The following EGFR variants were observed in gnomAD, a reference collection of about 807,000 sequenced individuals.
EGFR encodes avian erythroblastic leukemia viral (v-erb-b) oncogene homolog.
EGFR carries 58 observed loss-of-function variants against 143.0 expected under a neutral mutation model. That is an observed-to-expected ratio of 0.41 (90% confidence interval 0.33 to 0.50). The LOEUF is 0.50. Among genes scored for constraint, EGFR ranks in the 20% least tolerant of loss-of-function variants. EGFR has a pLI of 0.39. For synonymous variants in EGFR, 613 were observed against 594.4 expected, an observed-to-expected ratio of 1.03 and a Z score of -0.45; for missense variants, 1,307 against 1,579.0, an observed-to-expected ratio of 0.83 and a Z score of 2.92.
intron 1 of EGFR, among the ~76,000 whole-genome samples, chr7:55,108,319 C>T (rs139448004): frequency 6.6e-6 from 1 of 152,334 alleles, no homozygotes; most frequent in East Asian, 1.9e-4. Flanking sequence ...GCACAGGGGC[C>T]GTATCACTCC....
intron 1 of EGFR, among the ~76,000 whole-genome samples, chr7:55,088,129 C>T (rs949805836): frequency 2.6e-5 from 4 of 152,182 alleles, no homozygotes; most frequent in African/African-American, 9.7e-5. Context: ...CCATTTCTCT[C>T]CCACCTGAAT....
chr7:55,089,954 A>C (rs985095552), intron 1 of EGFR, among the ~76,000 whole-genome samples: 1 of 149,992 alleles, frequency 6.7e-6, no homozygotes, highest in African/African-American at 2.4e-5. Flanking sequence ...TTATTTATTT[A>C]TTTATTTATT....
intron 7 of EGFR, 129 bp from the exon 8 acceptor site, chr7:55,155,701 C>T (rs2128937104): frequency 1.3e-6 from 1 of 791,746 alleles, no homozygotes; most frequent in Non-Finnish European, 2.3e-6. Flanking sequence ...ATTCTTTGTC[C>T]TTAAAGTAAA....
At position 55,042,615 on chromosome 7, in the gene EGFR, G is replaced by A. The variant is rs189729694; in HGVS notation, c.88+23250G>A. On this transcript the variant is annotated intron_variant, in intron 1 of 27. Coordinates refer to ENST00000275493, the MANE Select transcript of EGFR (RefSeq NM_005228.5). ...AGGGGGTTAATGCAGGTCACTCTAC[G>A]TATGTGCACGAGGTCGTTATAAAGC... Among the ~76,000 whole-genome samples the A allele has an allele frequency of 4.8e-3, 726 of 152,096 alleles. 2 individuals are homozygous for A. Among genetic ancestry groups the A allele is most frequent in the Non-Finnish European group, 8.5e-3 (578 of 68,010 alleles).
chr7:55,057,775 G>A (rs1432944750), intron 1 of EGFR, among the ~76,000 whole-genome samples: 2 of 152,130 alleles, frequency 1.3e-5, no homozygotes, highest in African/African-American at 2.4e-5. Context: ...TTATCTCTGC[G>A]GTATTGTTCT....
chr7:55,111,875 A>G (rs993848592), intron 1 of EGFR, among the ~76,000 whole-genome samples: 11 of 152,232 alleles, frequency 7.2e-5, no homozygotes, highest in Admixed American at 1.3e-4. Context: ...TTGCTTCTAC[A>G]TCACTGTGTG....
Position 55,147,510 on chromosome 7 carries a change from C to CAAA in EGFR, c.559+783_559+785dup, listed in dbSNP as rs3063067. ...GCCTGTTTGTTTTCTGCCCTCAGAACAAAAAAAAAAAAAAATAGAGCTGAC... is the reference window on the plus strand; with the variant it reads ...GCCTGTTTGTTTTCTGCCCTCAGAACAAAAAAAAAAAAAAAAAATAGAGCTGAC... On this transcript the variant is annotated intron_variant, in intron 4 of 27. Coordinates refer to ENST00000275493, the MANE Select transcript of EGFR (RefSeq NM_005228.5). 8.3e-3 allele frequency among the ~76,000 whole-genome samples: 1,148 copies of CAAA among 137,714 alleles called. 18 individuals are homozygous for CAAA. The highest frequency in any genetic ancestry group is 0.038 in the South Asian group (167 of 4,380). 90.3% of individuals were successfully genotyped at this position (137,714 alleles called of 152,430 possible).
chr7:55,146,711 C>G lies in EGFR; in HGVS notation c.530C>G (p.Ser177Trp), dbSNP rs770290445. 6.2e-7 allele frequency: 1 copy of G among 1,614,106 alleles called. No homozygotes were observed. ...IVSSDFLSNM[S>W]MDFQNHLGSC... ...AGCAGTGACTTTCTCAGCAACATGT[C>G]GATGGACTTCCAGAACCACCTGGGC... is the stretch of plus-strand genomic sequence containing the variant. Residue 177 changes from serine to tryptophan, a missense_variant, in exon 4 of 28, where the codon TCG (serine) becomes TGG (tryptophan). By Grantham distance (177) the Ser-to-Trp change is radical. Around this residue, in one of 7 missense-constraint regions of EGFR, gnomAD observed 311 missense variants for 412.3 expected, o/e 0.75. Transcript: ENST00000275493.
At chr7:55,076,845 G>A (rs1790160251) in intron 1 of EGFR, among the ~76,000 whole-genome samples, 1 of 151,954 alleles carries the variant, frequency 6.6e-6, no homozygotes, top group South Asian at 2.1e-4. Flanking sequence ...CATAATGCCT[G>A]CCACTCCATC....
At chr7:55,197,848 C>T (rs528205655) in intron 22 of EGFR, among the ~76,000 whole-genome samples, 29 of 152,228 alleles carry the variant, frequency 1.9e-4, no homozygotes, top group African/African-American at 4.6e-4. Context: ...GGGATGAAGC[C>T]GACTTGATTG....
At chr7:55,176,076 C>T (rs1390051020) in intron 19 of EGFR, among the ~76,000 whole-genome samples, 4 of 152,140 alleles carry the variant, frequency 2.6e-5, no homozygotes, top group Admixed American at 6.5e-5. Flanking sequence ...TACAGGAAGA[C>T]GGGCAATCTG....
At chr7:55,129,235 T>C (rs1320834198) in intron 1 of EGFR, among the ~76,000 whole-genome samples, 1 of 152,146 alleles carries the variant, frequency 6.6e-6, no homozygotes, top group African/African-American at 2.4e-5. Context: ...GCAGAGGATG[T>C]AGTTGTGTGG....
intron 1 of EGFR, among the ~76,000 whole-genome samples, chr7:55,019,715 G>C (rs1786416196): frequency 6.6e-6 from 1 of 152,282 alleles, no homozygotes; most frequent in Non-Finnish European, 1.5e-5. Context: ...GGCGAAAGCC[G>C]GGTGCTGGTG....
Position 55,152,730 on chromosome 7 carries a change from G to C in EGFR, c.747+66G>C, listed in dbSNP as rs1387763063. 7.4e-6 allele frequency: 10 copies of C among 1,351,482 alleles called. No homozygotes were observed. The East Asian group carries it at 2.3e-4, about 31-fold the overall frequency. The allele number at this position is 1,351,482 out of a possible 1,614,324, so 83.7% of individuals were successfully genotyped here. ...GCTGCACCCGCCCCACCCACACCAG[G>C]ACAGAAGACTTCCTGTGGGGGAGCT... is the stretch of plus-strand genomic sequence containing the variant. On this transcript the variant is annotated intron_variant, in intron 6 of 27. Transcript: ENST00000275493.
chr7:55,154,245 C>T lies in EGFR; in HGVS notation c.889+93C>T, dbSNP rs1311285736. The stretch of plus-strand genomic sequence containing the variant: ...CCTGGAGTATCCCATCTTGGAGAGT[C>T]TTTGGGTGGATGTGTTTGCCTTGCT... On this transcript the variant is annotated intron_variant, in intron 7 of 27. Coordinates refer to ENST00000275493, the MANE Select transcript of EGFR (RefSeq NM_005228.5). 3 of 1,587,270 alleles carry T rather than the reference C, an allele frequency of 1.9e-6. No individual in the cohort carries two copies. The African/African-American group carries it at 4.0e-5, about 21-fold the overall frequency.
At chr7:55,144,669 T>A (rs2128928349) in intron 3 of EGFR, among the ~76,000 whole-genome samples, 1 of 152,258 alleles carries the variant, frequency 6.6e-6, no homozygotes, top group South Asian at 2.1e-4. Flanking sequence ...GCGCACATGC[T>A]TGTGCTGTGC....
intron 20 of EGFR, among the ~76,000 whole-genome samples, chr7:55,182,960 C>A (rs552775843): frequency 1.3e-5 from 2 of 152,294 alleles, no homozygotes; most frequent in Non-Finnish European, 2.9e-5. Flanking sequence ...ACTGCCACAA[C>A]AAATCATCAC....
rs73696513 is a variant in EGFR at position 55,038,177 on chromosome 7, G to T, written c.88+18812G>T. ...GTTTTTGGAAATAGTACAAACTGGA[G>T]GTGAAACCCTGGAAATTGATCTGTC... On this transcript the variant is annotated intron_variant, in intron 1 of 27. Transcript: ENST00000275493. Among the ~76,000 whole-genome samples, 511 of 152,302 alleles carry T rather than the reference G, an allele frequency of 3.4e-3. 5 individuals are homozygous for T. Among genetic ancestry groups the T allele is most frequent in the African/African-American group, 0.012 (489 of 41,546 alleles).
Position 55,114,606 on chromosome 7 carries a change from A to G in EGFR, c.89-27680A>G, listed in dbSNP as rs112756057. On this transcript the variant is annotated intron_variant, in intron 1 of 27. Transcript: ENST00000275493. ...AGTTTCTTAATATTGGACTTTTAGTACCTTTTTAAAAATACTATTTTTAAA... is the reference window on the plus strand; with the variant it reads ...AGTTTCTTAATATTGGACTTTTAGTGCCTTTTTAAAAATACTATTTTTAAA... Among the ~76,000 whole-genome samples, 70 of 152,288 alleles carry G rather than the reference A, an allele frequency of 4.6e-4. 1 individual carries two copies. The highest frequency in any genetic ancestry group is 1.6e-3 in the African/African-American group (67 of 41,584).
Sources: allele counts gnomAD v4.1 joint callset (sites outside exome capture counted in the v4.1 genomes callset), GRCh38; gene constraint gnomAD v4.1.1; regional missense constraint gnomAD v4.1.1; transcripts MANE v1.5; gene names NCBI Gene and HGNC (gene_info 2026-07-23, HGNC 2026-07-21).